Variants in ANK3 observed in about 807,000 individuals in gnomAD.
The protein encoded by ANK3 is ankyrin-3.
A neutral mutation model predicts 370.9 loss-of-function variants in ANK3; 57 were observed. That is an observed-to-expected ratio of 0.15 (90% CI 0.12 to 0.19). The LOEUF is 0.19. Ranked by LOEUF, ANK3 falls within the 10% of genes least tolerant of loss-of-function variation. ANK3 has a pLI of 1.00. For synonymous variants in ANK3, 1,929 were observed against 1,946.3 expected (o/e 0.99, Z 0.23); for missense variants, 4,439 against 5,302.1 (o/e 0.84, Z 5.06).
chr10:60,139,007 C>T lies in ANK3; in HGVS notation c.2695G>A (p.Ala899Thr). 6.2e-7 allele frequency: 1 copy of T among 1,613,890 alleles called. No individual in the cohort carries two copies. Among genetic ancestry groups the T allele is most frequent in the Non-Finnish European group, 8.5e-7 (1 of 1,179,878 alleles). ...AGACTAAAGCCCATGTAACCCTCTG[C>T]AGGCAGGGAATCATCACCCAATTCC... ...LKELGDDSLP[A>T]EGYMGFSLGA... The change falls in exon 24 of 44, where the codon GCA becomes ACA. Residue 899 changes from alanine (A) to threonine (T), a missense_variant. Ala to Thr is a moderately conservative substitution (Grantham distance 58). Around this residue, in one of 13 missense-constraint regions of ANK3, gnomAD observed 702 missense variants for 941.5 expected, o/e 0.75. Coordinates refer to ENST00000280772, the MANE Select transcript of ANK3 (RefSeq NM_020987.5).
intron 12 of ANK3, among the ~76,000 whole-genome samples, chr10:60,202,006 T>C (rs1298929425): frequency 1.3e-5 from 2 of 152,064 alleles, no homozygotes; most frequent in Admixed American, 6.6e-5. Flanking sequence ...TGAGCCACCA[T>C]GCCCTGCTAA....
intron 2 of ANK3, among the ~76,000 whole-genome samples, chr10:60,544,817 A>G (rs1341464730): frequency 6.6e-6 from 1 of 152,078 alleles, no homozygotes; most frequent in Non-Finnish European, 1.5e-5. Context: ...AATGTTTGTA[A>G]ATTTCCATAT....
intron 1 of ANK3, among the ~76,000 whole-genome samples, chr10:60,291,874 G>A (rs1341211789): frequency 1.3e-5 from 2 of 151,996 alleles, no homozygotes; most frequent in Non-Finnish European, 2.9e-5. Flanking sequence ...CGCCACGCCT[G>A]ACTAATTTTT....
At chr10:60,684,484 G>A in intron 1 of ANK3, 2 of 1,368,556 alleles carry the variant, frequency 1.5e-6, no homozygotes, top group South Asian at 2.7e-5. Context: ...TTCAATTTGG[G>A]ACATTTATTT....
chr10:60,669,675 C>T (rs2079042089), intron 1 of ANK3, among the ~76,000 whole-genome samples: 1 of 152,204 alleles, frequency 6.6e-6, no homozygotes, highest in Non-Finnish European at 1.5e-5. Context: ...TTCCATGGCA[C>T]CACATACCTC....
At chr10:60,367,162 C>T (rs2059493280) in intron 1 of ANK3, among the ~76,000 whole-genome samples, 1 of 152,146 alleles carries the variant, frequency 6.6e-6, no homozygotes, top group South Asian at 2.1e-4. Flanking sequence ...CCCTGGATTC[C>T]TGTTAGATGT....
intron 1 of ANK3, among the ~76,000 whole-genome samples, chr10:60,656,967 T>C (rs930136880): frequency 6.6e-5 from 10 of 152,086 alleles, no homozygotes. Flanking sequence ...AGAGATGTAT[T>C]AGTCCGTTTT....
chr10:60,191,365 T>C (rs2096476146), intron 16 of ANK3, among the ~76,000 whole-genome samples: 1 of 148,616 alleles, frequency 6.7e-6, no homozygotes. Flanking sequence ...CCAGGATTTA[T>C]GAGGAACTCA....
chr10:60,732,491 C>A (rs138362271), intron 1 of ANK3, among the ~76,000 whole-genome samples: 1 of 152,090 alleles, frequency 6.6e-6, no homozygotes, highest in Non-Finnish European at 1.5e-5. Flanking sequence ...GTCAGGCAAC[C>A]GATTTCTACT....
chr10:60,503,716 A>G (rs2075863709), intron 2 of ANK3, among the ~76,000 whole-genome samples: 2 of 152,162 alleles, frequency 1.3e-5, no homozygotes, highest in Admixed American at 1.3e-4. Context: ...GATATCTCAT[A>G]TTCTCCTTTT....
intron 1 of ANK3, among the ~76,000 whole-genome samples, chr10:60,305,256 G>T (rs2044754954): frequency 6.6e-6 from 1 of 152,098 alleles, no homozygotes; most frequent in African/African-American, 2.4e-5. Context: ...CTTTATGTCT[G>T]TGTGGAGCAC....
chr10:60,209,143 G>A (rs1661614048), intron 9 of ANK3, among the ~76,000 whole-genome samples: 2 of 152,160 alleles, frequency 1.3e-5, no homozygotes, highest in South Asian at 2.1e-4. Context: ...GGCGAAGTGG[G>A]GGAGCCTGGG....
intron 30 of ANK3, among the ~76,000 whole-genome samples, chr10:60,085,623 T>TC (rs2086481041): frequency 6.7e-6 from 1 of 148,898 alleles, no homozygotes; most frequent in Non-Finnish European, 1.5e-5. Flanking sequence ...TTTTTTTTTT[T>TC]TTTTTTTTTG....
chr10:60,325,634 G>A (rs549455970), intron 1 of ANK3, among the ~76,000 whole-genome samples: 1 of 152,198 alleles, frequency 6.6e-6, no homozygotes, highest in East Asian at 1.9e-4. Flanking sequence ...CAAGCTCCTG[G>A]TATCTTTCAG....
chr10:60,480,376 G>GA (rs201616252), intron 2 of ANK3, among the ~76,000 whole-genome samples: 2 of 151,976 alleles, frequency 1.3e-5, no homozygotes, highest in East Asian at 3.9e-4. Flanking sequence ...AATGAAACTA[G>GA]AAAAAAATTC....
At chr10:60,512,947 C>A (rs2076125229) in intron 2 of ANK3, among the ~76,000 whole-genome samples, 1 of 152,004 alleles carries the variant, frequency 6.6e-6, no homozygotes, top group Non-Finnish European at 1.5e-5. Context: ...TTACGTGATT[C>A]ATATTTATTT....
chr10:60,509,342 G>A (rs954344746), intron 2 of ANK3, among the ~76,000 whole-genome samples: 7 of 151,956 alleles, frequency 4.6e-5, no homozygotes, highest in Admixed American at 6.6e-5. Flanking sequence ...CATTTTACAT[G>A]TACAAATTCA....
chr10:60,534,415 G>A (rs1595224702), intron 2 of ANK3, among the ~76,000 whole-genome samples: 2 of 152,218 alleles, frequency 1.3e-5, no homozygotes, highest in East Asian at 1.9e-4. Flanking sequence ...AATCTGTGAA[G>A]GTCAAGAGTC....
intron 23 of ANK3, 97 bp from the exon 24 acceptor site, chr10:60,139,184 A>G: frequency 3.5e-6 from 5 of 1,420,740 alleles, no homozygotes; most frequent in Middle Eastern, 1.9e-4. Context: ...AAATCCCCCA[A>G]TATCTCATAT....
Sources: gnomAD v4.1 joint callset for allele counts (sites outside exome capture counted in the v4.1 genomes callset) on GRCh38, gnomAD v4.1.1 for gene constraint, gnomAD v4.1.1 regional missense constraint, MANE v1.5 for transcripts, NCBI Gene and HGNC (gene_info 2026-07-23, HGNC 2026-07-21) for gene names.